The following THSD7B variants were observed in gnomAD, a reference collection of about 807,000 sequenced individuals.
THSD7B encodes the protein thrombospondin type-1 domain-containing protein 7B.
THSD7B carries 138 observed loss-of-function variants against 213.6 expected under a neutral mutation model. The observed-to-expected ratio is 0.65, with a 90% CI of 0.56 to 0.74. The LOEUF (loss-of-function observed/expected upper bound fraction) is 0.74. THSD7B is among the 30% of genes least tolerant of loss of function. The pLI, the probability that THSD7B is intolerant of heterozygous loss-of-function variation, is 0.00. For missense variants in THSD7B, 1,931 were observed against 1,991.5 expected, an observed-to-expected ratio of 0.97 and a Z score of 0.58; for synonymous variants, 742 against 687.0, an observed-to-expected ratio of 1.08 and a Z score of -1.25.
chr2:137,076,947 G>A (rs1185608302), intron 3 of THSD7B, among the ~76,000 whole-genome samples: 2 of 150,946 alleles, frequency 1.3e-5, no homozygotes, highest in Non-Finnish European at 2.9e-5. Flanking sequence ...TTAACATTAG[G>A]TATATCTCCT....
intron 21 of THSD7B, among the ~76,000 whole-genome samples, chr2:137,649,755 T>C (rs1206543900): frequency 2.6e-5 from 4 of 152,196 alleles, no homozygotes; most frequent in Non-Finnish European, 4.4e-5. Context: ...AGTGTGATGC[T>C]TTCAGCATTG....
In THSD7B at chr2:137,414,438, G is replaced by A. The variant is rs542795466; in HGVS notation, c.2959+2566G>A. On this transcript the variant is annotated intron_variant, in intron 14 of 27. Transcript: ENST00000409968. ...TATATATATCCATCCATGAATTGGG[G>A]TATGGCACTGTGGCTCATGCCTGTA... 2.6e-5 allele frequency among the ~76,000 whole-genome samples: 4 copies of A among 152,232 alleles called. No individual in the cohort carries two copies. The South Asian group carries it at 8.3e-4, about 32-fold the overall frequency.
At chr2:136,843,595 T>C (rs1340684481) in intron 1 of THSD7B, among the ~76,000 whole-genome samples, 2 of 152,224 alleles carry the variant, frequency 1.3e-5, no homozygotes, top group African/African-American at 4.8e-5. Context: ...CACACTCCGA[T>C]GGAAGAGACA....
chr2:137,621,854 G>C (rs1682525819), intron 20 of THSD7B, among the ~76,000 whole-genome samples: 1 of 152,164 alleles, frequency 6.6e-6, no homozygotes, highest in Admixed American at 6.5e-5. Context: ...TTCAAGATTA[G>C]GCAGCTGCAT....
At chr2:137,504,815 A>T (rs1679797833) in intron 15 of THSD7B, among the ~76,000 whole-genome samples, 1 of 151,296 alleles carries the variant, frequency 6.6e-6, no homozygotes, top group Non-Finnish European at 1.5e-5. Context: ...TAGTATAGAG[A>T]TGTGTGTTAA....
intron 2 of THSD7B, among the ~76,000 whole-genome samples, chr2:137,032,752 T>G (rs528126294): frequency 1.0e-3 from 152 of 152,338 alleles, no homozygotes; most frequent in Non-Finnish European, 1.9e-3. Context: ...ATAGTTTAAA[T>G]GTGCATTGGA....
At position 137,272,654 on chromosome 2, in the gene THSD7B, T is replaced by C; in HGVS notation, c.2388T>C (p.Pro796=). 1 of 1,611,204 alleles carries C rather than the reference T, an allele frequency of 6.2e-7. No individual in the cohort carries two copies. The highest frequency in any genetic ancestry group is 1.3e-5 in the African/African-American group (1 of 74,928). Residue 796 remains proline, a synonymous_variant, in exon 11 of 28, where the codon CCT becomes CCC. Transcript: ENST00000409968. Reference sequence around the variant, plus strand: ...AGTGTGAAGATGTTTCCTTGTGTCCTGTATATCGGCAAGTAGTTACCTTTT... The same window carrying C: ...AGTGTGAAGATGTTTCCTTGTGTCCCGTATATCGGCAAGTAGTTACCTTTT... ...ERECEDVSLC[P]VYRWKPQKWS...
intron 12 of THSD7B, among the ~76,000 whole-genome samples, chr2:137,353,348 G>C (rs1685055635): frequency 6.6e-6 from 1 of 152,072 alleles, no homozygotes; most frequent in South Asian, 2.1e-4. Context: ...GATTCTGAAT[G>C]ATTGTTAACC....
chr2:137,601,662 A>T (rs1682078513), intron 17 of THSD7B, among the ~76,000 whole-genome samples: 1 of 152,192 alleles, frequency 6.6e-6, no homozygotes, highest in Non-Finnish European at 1.5e-5. Flanking sequence ...CCATTCTTCT[A>T]AGTAAAAGGA....
intron 3 of THSD7B, among the ~76,000 whole-genome samples, chr2:137,061,640 C>T (rs902291079): frequency 7.3e-5 from 11 of 151,416 alleles, no homozygotes; most frequent in African/African-American, 2.4e-4. Flanking sequence ...TGTTCATTAG[C>T]CTGTTTATGT....
chr2:137,436,604 C>G (rs1281259378), intron 14 of THSD7B, among the ~76,000 whole-genome samples: 1 of 152,058 alleles, frequency 6.6e-6, no homozygotes, highest in African/African-American at 2.4e-5. Flanking sequence ...AATTAGCAAG[C>G]CTTCATTCAA....
intron 12 of THSD7B, among the ~76,000 whole-genome samples, chr2:137,289,484 A>G (rs1251236821): frequency 6.6e-6 from 1 of 152,142 alleles, no homozygotes; most frequent in Non-Finnish European, 1.5e-5. Flanking sequence ...TGGTATCACA[A>G]AAATCACGTA....
intron 16 of THSD7B, among the ~76,000 whole-genome samples, chr2:137,570,404 G>A (rs1195048622): frequency 2.0e-5 from 3 of 152,064 alleles, no homozygotes; most frequent in Admixed American, 6.6e-5. Context: ...AGCCTCCCGG[G>A]TTCACGCCAT....
intron 1 of THSD7B, among the ~76,000 whole-genome samples, chr2:136,813,672 A>G (rs1682423619): frequency 6.6e-6 from 1 of 152,182 alleles, no homozygotes; most frequent in South Asian, 2.1e-4. Flanking sequence ...TCTACGAGTC[A>G]ATACAATTTC....
chr2:136,921,533 A>T (rs1684438234), intron 2 of THSD7B, among the ~76,000 whole-genome samples: 1 of 152,126 alleles, frequency 6.6e-6, no homozygotes, highest in South Asian at 2.1e-4. Flanking sequence ...TGGAAGATGC[A>T]GTTTGATTAC....
intron 7 of THSD7B, among the ~76,000 whole-genome samples, chr2:137,228,732 T>C (rs1681572619): frequency 6.6e-6 from 1 of 152,198 alleles, no homozygotes; most frequent in Admixed American, 6.5e-5. Context: ...CTAAAATATT[T>C]TGTGTTTGAA....
chr2:137,274,937 A>G (rs1682834591), intron 11 of THSD7B, among the ~76,000 whole-genome samples: 2 of 152,074 alleles, frequency 1.3e-5, no homozygotes, highest in Admixed American at 1.3e-4. Context: ...AGGCCACTTG[A>G]ATGAAGTCAA....
At chr2:137,025,759 C>T (rs1009352339) in intron 2 of THSD7B, among the ~76,000 whole-genome samples, 2 of 152,126 alleles carry the variant, frequency 1.3e-5, no homozygotes, top group African/African-American at 2.4e-5. Flanking sequence ...GGTGATAACT[C>T]ATCGCATGGC....
In THSD7B at chr2:137,144,738, T is replaced by C. The variant is rs1679660837; in HGVS notation, c.1370-15475T>C. On this transcript the variant is annotated intron_variant, in intron 5 of 27. Coordinates refer to ENST00000409968, the MANE Select transcript of THSD7B (RefSeq NM_001316349.2). ...CCTAATTGGGAAGGAGAAAAAAATA[T>C]CCATTTCATGGAGAAGAACATCATC... Among the ~76,000 whole-genome samples, 3 of 151,994 alleles carry C rather than the reference T, an allele frequency of 2.0e-5. 1 individual carries two copies. The highest frequency in any genetic ancestry group is 4.4e-5 in the Non-Finnish European group (3 of 67,960).
Sources: allele counts gnomAD v4.1 joint callset (sites outside exome capture counted in the v4.1 genomes callset), GRCh38; gene constraint gnomAD v4.1.1; transcripts MANE v1.5; gene names NCBI Gene and HGNC (gene_info 2026-07-23, HGNC 2026-07-21).